The following GRPR variants were observed in gnomAD, a reference collection of about 807,000 sequenced individuals.
GRPR encodes the protein gastrin-releasing peptide receptor.
A neutral mutation model predicts 15.6 loss-of-function variants in GRPR; 4 were observed. The ratio of observed to expected loss-of-function variants is 0.26; its 90% CI spans 0.13 to 0.59. GRPR has a LOEUF of 0.59. GRPR is among the 20% of genes least tolerant of loss of function. GRPR has a pLI of 0.90. For missense variants in GRPR, 270 were observed against 304.1 expected (o/e 0.89, Z 0.83); for synonymous variants, 128 against 126.8 (o/e 1.01, Z -0.06).
intron 1 of GRPR, among the ~76,000 whole-genome samples, chrX:16,148,658 C>T (rs1427869067): frequency 8.9e-6 from 1 of 111,972 alleles, no homozygotes; most frequent in Non-Finnish European, 1.9e-5. Flanking sequence ...ATTATAGTAG[C>T]TCATGTTCAA....
At chrX:16,139,490 G>A (rs942105916) in intron 1 of GRPR, among the ~76,000 whole-genome samples, 4 of 109,558 alleles carry the variant, frequency 3.7e-5, no homozygotes, top group Middle Eastern at 4.7e-3. Context: ...GTCAGCTATC[G>A]TTAGTGTATT....
chrX:16,151,188 A>G (rs1478566074), intron 2 of GRPR, among the ~76,000 whole-genome samples: 1 of 112,220 alleles, frequency 8.9e-6, no homozygotes, highest in African/African-American at 3.2e-5. Flanking sequence ...TAATCCCTAC[A>G]TTGTAAAACT....
chrX:16,139,184 A>G (rs1922492405), intron 1 of GRPR, among the ~76,000 whole-genome samples: 1 of 112,002 alleles, frequency 8.9e-6, no homozygotes, highest in African/African-American at 3.3e-5. Flanking sequence ...TAAATAATAT[A>G]TGTTGACTTC....
chrX:16,147,668 T>G (rs1270996614), intron 1 of GRPR, among the ~76,000 whole-genome samples: 1 of 111,997 alleles, frequency 8.9e-6, no homozygotes, highest in Non-Finnish European at 1.9e-5. Context: ...TATACTATAT[T>G]TTATATTTTA....
intron 1 of GRPR, among the ~76,000 whole-genome samples, chrX:16,125,759 TCTCCATTCC>T (rs1368121225): frequency 8.9e-6 from 1 of 111,750 alleles, no homozygotes; most frequent in Non-Finnish European, 1.9e-5. Context: ...GGACAGAGTT[TCTCCATTCC>T]CTCCATTCCC....
In GRPR at chrX:16,150,494, C is replaced by T. The variant is rs536429050; in HGVS notation, c.603C>T (p.His201=). The change falls in exon 2 of 3, where the codon CAC becomes CAT. Residue 201 remains histidine (H), a synonymous_variant. Coordinates refer to ENST00000380289, the MANE Select transcript of GRPR (RefSeq NM_005314.3). ...TCATTAGCTGTGCCCCATACCCACA[C>T]TCTAATGAGCTTCACCCCAAAATCC... The part of the protein sequence containing the change: ...QTFISCAPYP[H]SNELHPKIHS... 4 of 1,205,195 alleles carry T rather than the reference C, an allele frequency of 3.3e-6. No individual in the cohort carries two copies. The highest frequency in any genetic ancestry group is 1.8e-5 in the South Asian group (1 of 56,657).
At chrX:16,129,381 A>C (rs1338458459) in intron 1 of GRPR, among the ~76,000 whole-genome samples, 2 of 111,676 alleles carry the variant, frequency 1.8e-5, no homozygotes, top group Non-Finnish European at 3.8e-5. Context: ...TTTCCTCATC[A>C]CACCAGCCAC....
chrX:16,139,627 C>T (rs896383552), intron 1 of GRPR, among the ~76,000 whole-genome samples: 6 of 111,334 alleles, frequency 5.4e-5, no homozygotes, highest in African/African-American at 2.0e-4. Context: ...CATTTAAATC[C>T]TCATCATACT....
chrX:16,149,645 C>CAA (rs575381418), intron 1 of GRPR, among the ~76,000 whole-genome samples: 83 of 60,959 alleles, frequency 1.4e-3, no homozygotes, highest in East Asian at 2.7e-3. Context: ...AAGGTTTTGC[C>CAA]AAAAAAAAAA....
rs979883730 is a variant in GRPR, at chrX:16,124,283, G to A, written c.330G>A (p.Arg110=). Reference sequence around the variant, plus strand: ...TGGCTGACAGATGGCTATTTGGCAGGATTGGCTGCAAACTGATCCCCTTTA... The same window carrying A: ...TGGCTGACAGATGGCTATTTGGCAGAATTGGCTGCAAACTGATCCCCTTTA... ...RYLADRWLFG[R]IGCKLIPFIQ... is the part of the protein sequence containing the mutation. The change falls in exon 1 of 3, where the codon AGG becomes AGA. Residue 110 remains arginine, a synonymous_variant. Transcript: ENST00000380289. 5 of 1,210,083 alleles carry A rather than the reference G, an allele frequency of 4.1e-6. No homozygotes were observed. The African/African-American group carries it at 8.7e-5, about 21-fold the overall frequency.
rs1293206505 is a variant in GRPR, at chrX:16,123,738, A to G, written c.-216A>G. On this transcript the variant is annotated 5_prime_UTR_variant, in exon 1 of 3. Transcript: ENST00000380289. ...GTTAACTTATTGAATTTAGAGTTGT[A>G]TTGCACTGGTCATGTGAAAGCCAGA... 6.6e-6 allele frequency: 3 copies of G among 452,630 alleles called. No homozygotes were observed. Among genetic ancestry groups the G allele is most frequent in the Non-Finnish European group, 1.2e-5 (3 of 259,984 alleles). 37.3% of individuals were successfully genotyped at this position (452,630 alleles called of 1,213,427 possible).
rs1922740351 is a variant in GRPR, at chrX:16,152,960, A to G, written c.*315A>G. On this transcript the variant is annotated 3_prime_UTR_variant, in exon 3 of 3. Transcript: ENST00000380289. Reference sequence around the variant, plus strand: ...TTAAATGGTCGTGGCCAATTATGTCATAGAAACTGTATGAACAACCAGATT... The same window carrying G: ...TTAAATGGTCGTGGCCAATTATGTCGTAGAAACTGTATGAACAACCAGATT... 3.3e-6 allele frequency: 1 copy of G among 299,941 alleles called. No individual in the cohort carries two copies. The highest frequency in any genetic ancestry group is 2.6e-5 in the African/African-American group (1 of 37,989). The allele number at this position is 299,941 out of a possible 1,213,427, so 24.7% of individuals were successfully genotyped here. A position where few individuals can be genotyped will look rare whatever the true frequency, so the allele number is the denominator to read the frequency against.
At chrX:16,137,402 A>G (rs748767404) in intron 1 of GRPR, among the ~76,000 whole-genome samples, 23 of 112,086 alleles carry the variant, frequency 2.1e-4, no homozygotes, top group African/African-American at 7.1e-4. Flanking sequence ...CTGGATTCCA[A>G]TTTCCATGGG....
intron 1 of GRPR, among the ~76,000 whole-genome samples, chrX:16,130,702 G>A (rs1462137011): frequency 8.9e-6 from 1 of 112,820 alleles, no homozygotes; most frequent in Non-Finnish European, 1.9e-5. Flanking sequence ...TCTCACAAGA[G>A]AAGACTTACT....
chrX:16,127,856 C>A (rs66475447), intron 1 of GRPR, among the ~76,000 whole-genome samples: 2,813 of 111,617 alleles, frequency 0.025, 100 homozygotes, highest in African/African-American at 0.087. Flanking sequence ...CTCCTTAAAG[C>A]CCTAAGTTGA....
At chrX:16,124,515 ACTT>A in intron 1 of GRPR, 149 bp downstream of exon 1, 2 of 533,294 alleles carry the variant, frequency 3.8e-6, no homozygotes, top group Non-Finnish European at 6.5e-6. Context: ...TCTGGGTATG[ACTT>A]CTTGAGTGTA....
At chrX:16,138,160 A>G (rs1043953097) in intron 1 of GRPR, among the ~76,000 whole-genome samples, 45 of 111,840 alleles carry the variant, frequency 4.0e-4, no homozygotes, top group African/African-American at 1.5e-3. Flanking sequence ...GCTTTGTGTC[A>G]TTTTAGCATG....
At chrX:16,127,750 C>T (rs1019173447) in intron 1 of GRPR, among the ~76,000 whole-genome samples, 10 of 111,639 alleles carry the variant, frequency 9.0e-5, no homozygotes, top group Non-Finnish European at 1.9e-4. Flanking sequence ...ATGATGGAGT[C>T]GAGCTAGGCA....
chrX:16,147,678 A>G (rs1277480278), intron 1 of GRPR, among the ~76,000 whole-genome samples: 1 of 111,985 alleles, frequency 8.9e-6, no homozygotes, highest in Non-Finnish European at 1.9e-5. Context: ...TTTATATTTT[A>G]AAAGTTGTGA....
Sources: allele counts gnomAD v4.1 joint callset (sites outside exome capture counted in the v4.1 genomes callset), GRCh38; gene constraint gnomAD v4.1.1; transcripts MANE v1.5; gene names NCBI Gene and HGNC (gene_info 2026-07-23, HGNC 2026-07-21).